The following TRPM3 variants were observed in gnomAD, a reference collection of about 807,000 sequenced individuals.
TRPM3 encodes transient receptor potential cation channel subfamily M member 3.
In TRPM3, 77 loss-of-function variants were observed where a neutral mutation model predicts 181.2. The ratio of observed to expected loss-of-function variants is 0.42; its 90% CI spans 0.35 to 0.51. The LOEUF (loss-of-function observed/expected upper bound fraction) is 0.51. TRPM3 is among the 20% of genes least tolerant of loss of function. TRPM3 has a pLI of 0.01. For synonymous variants in TRPM3, 745 were observed against 796.4 expected, an observed-to-expected ratio of 0.94 and a Z score of 1.09; for missense variants, 1,759 against 2,196.7, an observed-to-expected ratio of 0.80 and a Z score of 3.98.
intron 1 of TRPM3, among the ~76,000 whole-genome samples, chr9:71,215,043 AAAAC>A (rs1401093176): frequency 0.038 from 1,738 of 45,900 alleles, 34 homozygotes; most frequent in East Asian, 0.15. Flanking sequence ...CAAAAAAAAA[AAAAC>A]AAAAAAAAAA....
At chr9:71,445,512 G>A (rs913343381) in intron 1 of TRPM3, among the ~76,000 whole-genome samples, 2 of 152,128 alleles carry the variant, frequency 1.3e-5, no homozygotes, top group African/African-American at 2.4e-5. Context: ...AAAAATACCT[G>A]AAATTTCATA....
At position 70,891,213 on chromosome 9, in the gene TRPM3, T is replaced by C. The variant is rs566994010; in HGVS notation, c.178-26702A>G. ...CAGAAAAGGAGATTGAATAATTTTA[T>C]ATACAGTGAAGAAAATTTGCATAGT... On this transcript the variant is annotated intron_variant, in intron 1 of 25. Transcript: ENST00000677713. Among the ~76,000 whole-genome samples the C allele has an allele frequency of 1.6e-4, 24 of 152,212 alleles. 1 individual carries two copies. Among genetic ancestry groups the C allele is most frequent in the African/African-American group, 5.8e-4 (24 of 41,526 alleles).
intron 20 of TRPM3, among the ~76,000 whole-genome samples, chr9:70,599,509 G>C (rs568076964): frequency 1.3e-5 from 2 of 152,050 alleles, no homozygotes; most frequent in Non-Finnish European, 2.9e-5. Flanking sequence ...CCTTATGGTC[G>C]CCTCATTTCA....
chr9:71,323,757 G>C (rs1485945297), intron 1 of TRPM3, among the ~76,000 whole-genome samples: 1 of 152,116 alleles, frequency 6.6e-6, no homozygotes, highest in Non-Finnish European at 1.5e-5. Context: ...AAATAAAGTT[G>C]ACACGTTAAG....
At chr9:70,771,519 G>A (rs1588116710) in intron 7 of TRPM3, among the ~76,000 whole-genome samples, 1 of 151,532 alleles carries the variant, frequency 6.6e-6, no homozygotes, top group Non-Finnish European at 1.5e-5. Flanking sequence ...AGACTCCTGA[G>A]CCAGCTATGG....
chr9:71,036,668 C>T (rs1458030580), intron 1 of TRPM3, among the ~76,000 whole-genome samples: 3 of 152,138 alleles, frequency 2.0e-5, no homozygotes, highest in East Asian at 1.9e-4. Flanking sequence ...TGGCCTTTTG[C>T]CCAGATTAAG....
chr9:71,286,522 A>T (rs1320960262), intron 1 of TRPM3, among the ~76,000 whole-genome samples: 4 of 152,168 alleles, frequency 2.6e-5, no homozygotes, highest in Non-Finnish European at 4.4e-5. Flanking sequence ...AGTTACAATG[A>T]GTGTGGAAGA....
rs187394765 is a variant in TRPM3 at position 70,655,051 on chromosome 9, T to C, written c.1346-14391A>G. Among the ~76,000 whole-genome samples, 301 of 150,324 alleles carry C rather than the reference T, an allele frequency of 2.0e-3. 2 individuals carry two copies. Among genetic ancestry groups the C allele is most frequent in the Non-Finnish European group, 3.2e-3 (216 of 67,546 alleles). ...TGGCCAGTGTGGTGGCTCATGCTTGTAATCCCAGCACTTTGGGAGCCCAGG... is the reference window on the plus strand; with the variant it reads ...TGGCCAGTGTGGTGGCTCATGCTTGCAATCCCAGCACTTTGGGAGCCCAGG... On this transcript the variant is annotated intron_variant, in intron 9 of 25. Coordinates refer to ENST00000677713, the MANE Select transcript of TRPM3 (RefSeq NM_001366145.2).
intron 1 of TRPM3, among the ~76,000 whole-genome samples, chr9:70,907,366 T>C (rs2096481952): frequency 6.6e-6 from 1 of 152,234 alleles, no homozygotes; most frequent in Non-Finnish European, 1.5e-5. Context: ...TACATTTTAA[T>C]ACTTTTTGTT....
intron 1 of TRPM3, among the ~76,000 whole-genome samples, chr9:71,293,349 A>C (rs1207032182): frequency 6.6e-6 from 1 of 151,940 alleles, no homozygotes; most frequent in Non-Finnish European, 1.5e-5. Flanking sequence ...GAAATAAAAC[A>C]TCCATTATTC....
intron 1 of TRPM3, among the ~76,000 whole-genome samples, chr9:71,443,272 C>T (rs116001312): frequency 0.013 from 1,958 of 152,068 alleles, 46 homozygotes; most frequent in African/African-American, 0.045. Context: ...CATAAAGCTT[C>T]CATTGTAAAC....
At chr9:71,140,256 A>T (rs947549730) in intron 1 of TRPM3, among the ~76,000 whole-genome samples, 1 of 152,188 alleles carries the variant, frequency 6.6e-6, no homozygotes, top group African/African-American at 2.4e-5. Flanking sequence ...ATAGGAAGCA[A>T]ATTCTGAAAG....
intron 7 of TRPM3, among the ~76,000 whole-genome samples, chr9:70,764,074 C>G (rs774170744): frequency 7.2e-5 from 11 of 152,088 alleles, no homozygotes; most frequent in Non-Finnish European, 1.5e-4. Context: ...TGAGCAGGAA[C>G]AAGATCAATG....
intron 8 of TRPM3, among the ~76,000 whole-genome samples, chr9:70,684,859 G>T (rs1005526451): frequency 2.6e-5 from 4 of 152,146 alleles, no homozygotes; most frequent in African/African-American, 9.7e-5. Context: ...AGTCTTATCT[G>T]GTTTGGGTAT....
intron 1 of TRPM3, among the ~76,000 whole-genome samples, chr9:71,249,048 CT>C (rs1820552884): frequency 6.6e-6 from 1 of 152,190 alleles, no homozygotes; most frequent in South Asian, 2.1e-4. Context: ...TACTTCCTGA[CT>C]TAAAAATAGC....
chr9:71,351,396 A>G (rs929422842), intron 1 of TRPM3, among the ~76,000 whole-genome samples: 1 of 152,224 alleles, frequency 6.6e-6, no homozygotes, highest in African/African-American at 2.4e-5. Context: ...TTCTGAAACA[A>G]TGATTCTATA....
chr9:71,242,438 C>T (rs753210513), intron 1 of TRPM3, among the ~76,000 whole-genome samples: 25 of 152,144 alleles, frequency 1.6e-4, no homozygotes, highest in Admixed American at 4.6e-4. Context: ...TTTATTTAGG[C>T]TTGACTTCTG....
intron 22 of TRPM3, among the ~76,000 whole-genome samples, chr9:70,584,640 A>G (rs1252648841): frequency 6.6e-6 from 1 of 152,204 alleles, no homozygotes; most frequent in Admixed American, 6.5e-5. Context: ...CCTGACCACA[A>G]CATCGTATAA....
chr9:70,949,103 T>C (rs1381102752), intron 1 of TRPM3, among the ~76,000 whole-genome samples: 3 of 152,012 alleles, frequency 2.0e-5, no homozygotes, highest in African/African-American at 2.4e-5. Flanking sequence ...CAGTATTCTA[T>C]AGGAGAGACC....
Sources: allele counts gnomAD v4.1 joint callset (sites outside exome capture counted in the v4.1 genomes callset), GRCh38; gene constraint gnomAD v4.1.1; transcripts MANE v1.5; gene names NCBI Gene and HGNC (gene_info 2026-07-23, HGNC 2026-07-21).